Variants in GPD2 observed in about 807,000 individuals in gnomAD.
GPD2 encodes glycerol-3-phosphate dehydrogenase, mitochondrial.
A neutral mutation model predicts 82.4 loss-of-function variants in GPD2; 54 were observed. The ratio of observed to expected loss-of-function variants is 0.66; its 90% CI spans 0.53 to 0.82. GPD2 has a LOEUF of 0.82. Ranked by LOEUF, GPD2 falls within the 40% of genes least tolerant of loss-of-function variation. The pLI, the probability that GPD2 is intolerant of heterozygous loss-of-function variation, is 0.00. For missense variants in GPD2, 748 were observed against 896.2 expected, an observed-to-expected ratio of 0.83 and a Z score of 2.11; for synonymous variants, 288 against 306.1, an observed-to-expected ratio of 0.94 and a Z score of 0.62.
chr2:156,561,040 C>CTTTTTTTTTTGTTTTTTTTTTTTT (rs1687150098), intron 9 of GPD2, among the ~76,000 whole-genome samples: 1 of 27,624 alleles, frequency 3.6e-5, no homozygotes, highest in African/African-American at 1.4e-4. Context: ...TGACATTAAG[C>CTTTTTTTTTTGTTTTTTTTTTTTT]TTTTTTTTTT....
chr2:156,405,000 G>C, the GPD2 span, among the ~76,000 whole-genome samples: 1 of 152,162 alleles, frequency 6.6e-6, no homozygotes, highest in Non-Finnish European at 1.5e-5. Context: ...AAGAAGGTTC[G>C]GAGCATTTGA....
At chr2:156,541,101 A>G (rs960448598) in intron 6 of GPD2, among the ~76,000 whole-genome samples, 1 of 152,218 alleles carries the variant, frequency 6.6e-6, no homozygotes. Flanking sequence ...CTTCTTCCTC[A>G]CAATAACTCT....
At chr2:156,474,824 T>C (rs1205331862) in intron 1 of GPD2, among the ~76,000 whole-genome samples, 1 of 151,994 alleles carries the variant, frequency 6.6e-6, no homozygotes, top group Non-Finnish European at 1.5e-5. Flanking sequence ...TTGAGAAATA[T>C]TCAGTGGAGC....
Position 156,436,415 on chromosome 2 carries a change from G to A in GPD2, c.-107G>A, listed in dbSNP as rs1256578817. 6.6e-6 allele frequency: 1 copy of A among 152,368 alleles called. No individual in the cohort carries two copies. The highest frequency in any genetic ancestry group is 2.4e-5 in the African/African-American group (1 of 41,456). 9.4% of individuals were successfully genotyped at this position (152,368 alleles called of 1,614,324 possible). On this transcript the variant is annotated 5_prime_UTR_variant, in exon 1 of 17. Transcript: ENST00000438166. ...CCGCGCGCCTCGCTGGGAGCACCCGGGCCGAGGCTCTGATTCTGGGGGGAG... is the reference window on the plus strand; with the variant it reads ...CCGCGCGCCTCGCTGGGAGCACCCGAGCCGAGGCTCTGATTCTGGGGGGAG...
chr2:156,582,358 G>A (rs560067974), intron 16 of GPD2, among the ~76,000 whole-genome samples: 2 of 151,774 alleles, frequency 1.3e-5, no homozygotes, highest in Non-Finnish European at 1.5e-5. Context: ...GGGACTCGAA[G>A]TTGTCAAGTA....
intron 9 of GPD2, among the ~76,000 whole-genome samples, chr2:156,564,252 G>C (rs1319434821): frequency 6.6e-6 from 1 of 152,100 alleles, no homozygotes; most frequent in African/African-American, 2.4e-5. Flanking sequence ...CATCCTCCAA[G>C]GTGGTTTCAT....
At chr2:156,441,420 G>A (rs1255566967) in intron 1 of GPD2, among the ~76,000 whole-genome samples, 6 of 152,126 alleles carry the variant, frequency 3.9e-5, no homozygotes, top group Non-Finnish European at 8.8e-5. Flanking sequence ...CTAGCCAGGT[G>A]TGGTGGTCCA....
At chr2:156,570,958 G>T (rs1687590609) in intron 12 of GPD2, among the ~76,000 whole-genome samples, 176 bp from the exon 13 acceptor site, 1 of 152,166 alleles carries the variant, frequency 6.6e-6, no homozygotes, top group African/African-American at 2.4e-5. Flanking sequence ...CCTTTGGCAG[G>T]CAGATGGAAA....
chr2:156,506,723 A>G (rs139426362), intron 3 of GPD2, among the ~76,000 whole-genome samples: 232 of 152,256 alleles, frequency 1.5e-3, no homozygotes, highest in African/African-American at 4.7e-3. Flanking sequence ...CTGGTCCTCC[A>G]AAAGGTCTCC....
At chr2:156,534,651 G>A (rs531365049) in intron 6 of GPD2, among the ~76,000 whole-genome samples, 1 of 152,286 alleles carries the variant, frequency 6.6e-6, no homozygotes, top group African/African-American at 2.4e-5. Context: ...GAATCTGTAG[G>A]TTTATAGCTT....
chr2:156,489,997 C>T (rs1473786696), intron 2 of GPD2, among the ~76,000 whole-genome samples: 2 of 151,786 alleles, frequency 1.3e-5, no homozygotes, highest in African/African-American at 4.8e-5. Flanking sequence ...AATATAGGGC[C>T]TATGGCCATT....
At chr2:156,432,069 C>A (rs767160245), upstream of GPD2, among the ~76,000 whole-genome samples, 62 of 151,798 alleles carry the variant, frequency 4.1e-4, no homozygotes, top group Non-Finnish European at 6.9e-4. Flanking sequence ...GTATTTTTTA[C>A]TAGAGACAAG....
chr2:156,454,500 A>AC (rs1682721559), intron 1 of GPD2, among the ~76,000 whole-genome samples: 1 of 151,760 alleles, frequency 6.6e-6, no homozygotes, highest in African/African-American at 2.4e-5. Flanking sequence ...TATGAAAAAA[A>AC]AAAAGTGATA....
At chr2:156,437,766 T>C (rs1241326696) in intron 1 of GPD2, among the ~76,000 whole-genome samples, 2 of 152,288 alleles carry the variant, frequency 1.3e-5, no homozygotes, top group Non-Finnish European at 2.9e-5. Context: ...CTTTCTCCCT[T>C]GTGATTCATT....
chr2:156,483,987 C>CTTTTTTT (rs10610989), intron 2 of GPD2, among the ~76,000 whole-genome samples: 1 of 92,286 alleles, frequency 1.1e-5, no homozygotes, highest in African/African-American at 3.9e-5. Context: ...TGCTTGCTTG[C>CTTTTTTT]TTTTTTTTTT....
chr2:156,526,750 T>C (rs572444143), intron 6 of GPD2, among the ~76,000 whole-genome samples: 4 of 152,246 alleles, frequency 2.6e-5, no homozygotes, highest in Admixed American at 2.6e-4. Flanking sequence ...AGAGTGATTC[T>C]CCTTCAGAAA....
chr2:156,454,467 G>A (rs138424414), intron 1 of GPD2, among the ~76,000 whole-genome samples: 106 of 148,810 alleles, frequency 7.1e-4, no homozygotes, highest in Non-Finnish European at 1.3e-3. Flanking sequence ...ACCAGCCAGG[G>A]CAACATAGTG....
intron 2 of GPD2, among the ~76,000 whole-genome samples, chr2:156,482,616 G>A (rs1161830964): frequency 6.6e-6 from 1 of 152,116 alleles, no homozygotes; most frequent in Admixed American, 6.5e-5. Flanking sequence ...GAAATGGAAT[G>A]CAATTAAACT....
intron 8 of GPD2, among the ~76,000 whole-genome samples, chr2:156,555,078 T>C (rs551404980): frequency 3.9e-5 from 6 of 152,350 alleles, no homozygotes; most frequent in Middle Eastern, 3.4e-3. Flanking sequence ...ACTTGCAAAA[T>C]TGATCCTTCA....
Sources: allele counts gnomAD v4.1 joint callset (sites outside exome capture counted in the v4.1 genomes callset), GRCh38; gene constraint gnomAD v4.1.1; transcripts MANE v1.5; gene names NCBI Gene and HGNC (gene_info 2026-07-23, HGNC 2026-07-21).